Variants in RBFOX1 observed in about 807,000 individuals in gnomAD.
RBFOX1 encodes RNA binding fox-1 homolog 1.
A neutral mutation model predicts 57.7 loss-of-function variants in RBFOX1; 8 were observed. That is an observed-to-expected ratio of 0.14 (90% CI 0.08 to 0.25). The LOEUF (loss-of-function observed/expected upper bound fraction) is 0.25, where lower values mean the gene tolerates loss of function less well. Among genes scored for constraint, RBFOX1 ranks in the 10% least tolerant of loss-of-function variants. The pLI, the probability that RBFOX1 is intolerant of heterozygous loss-of-function variation, is 1.00. For missense variants in RBFOX1, 611 were observed against 548.5 expected, an observed-to-expected ratio of 1.11 and a Z score of -1.14; for synonymous variants, 326 against 222.4, an observed-to-expected ratio of 1.47 and a Z score of -4.15.
intron 2 of RBFOX1, among the ~76,000 whole-genome samples, chr16:5,546,264 T>C (rs763423767): frequency 6.6e-6 from 1 of 152,182 alleles, no homozygotes; most frequent in Non-Finnish European, 1.5e-5. Context: ...ACAGAGTCAA[T>C]GCAGTCCAAA....
intron 3 of RBFOX1, among the ~76,000 whole-genome samples, chr16:6,800,556 C>G (rs570540689): frequency 6.6e-6 from 1 of 152,198 alleles, no homozygotes; most frequent in African/African-American, 2.4e-5. Flanking sequence ...CTTTAAGTAA[C>G]AAGCTTCTAG....
At chr16:6,726,373 A>C (rs543360822) in intron 3 of RBFOX1, among the ~76,000 whole-genome samples, 2 of 149,132 alleles carry the variant, frequency 1.3e-5, no homozygotes, top group East Asian at 2.0e-4. Flanking sequence ...AAAAATAATA[A>C]ATAAAAATAA....
chr16:7,021,236 G>A (rs2038950138), intron 3 of RBFOX1, among the ~76,000 whole-genome samples: 1 of 151,602 alleles, frequency 6.6e-6, no homozygotes, highest in Admixed American at 6.6e-5. Context: ...CTTATGTGTT[G>A]CGTCGGCCCC....
At chr16:7,668,206 C>T (rs2070063681) in intron 13 of RBFOX1, among the ~76,000 whole-genome samples, 2 of 152,172 alleles carry the variant, frequency 1.3e-5, no homozygotes, top group African/African-American at 4.8e-5. Context: ...CTTTCCATGC[C>T]TACCACCTGA....
At chr16:6,980,645 T>A (rs1215764941) in intron 3 of RBFOX1, among the ~76,000 whole-genome samples, 3 of 152,176 alleles carry the variant, frequency 2.0e-5, no homozygotes, top group Admixed American at 2.0e-4. Context: ...GGTGTTGGTA[T>A]TTCTCAAGGA....
At chr16:7,241,062 A>G (rs900742114) in intron 4 of RBFOX1, among the ~76,000 whole-genome samples, 2 of 152,140 alleles carry the variant, frequency 1.3e-5, no homozygotes, top group African/African-American at 4.8e-5. Context: ...GTTGGAAAAG[A>G]AGGTTTATTT....
At chr16:6,621,560 A>C (rs2098232339) in intron 2 of RBFOX1, among the ~76,000 whole-genome samples, 1 of 152,232 alleles carries the variant, frequency 6.6e-6, no homozygotes, top group Admixed American at 6.5e-5. Flanking sequence ...TTACATCGGC[A>C]AAGCCCCTTT....
Position 6,333,164 on chromosome 16 carries a change from C to T in RBFOX1, c.-64+16107C>T, listed in dbSNP as rs559902083. ...AAGCAATTCTCCTGACTCAGCCTCC[C>T]GAGTAGCTGGGACTACAGTCATGTG... On this transcript the variant is annotated intron_variant, in intron 2 of 15. Coordinates refer to ENST00000550418, the MANE Select transcript of RBFOX1 (RefSeq NM_018723.4). 2.0e-5 allele frequency among the ~76,000 whole-genome samples: 3 copies of T among 152,206 alleles called. No individual in the cohort carries two copies. The South Asian group carries it at 6.2e-4, about 32-fold the overall frequency.
At chr16:7,703,249 C>T (rs1308705969) in intron 14 of RBFOX1, among the ~76,000 whole-genome samples, 2 of 152,178 alleles carry the variant, frequency 1.3e-5, no homozygotes, top group Non-Finnish European at 2.9e-5. Context: ...TGCAGAGACC[C>T]GGGCCATTCA....
At chr16:7,511,017 T>G (rs1191958318) in intron 4 of RBFOX1, among the ~76,000 whole-genome samples, 1 of 152,156 alleles carries the variant, frequency 6.6e-6, no homozygotes, top group African/African-American at 2.4e-5. Context: ...CTCAAGAAGT[T>G]TGACTATAAA....
chr16:6,546,044 A>G lies in RBFOX1; in HGVS notation c.-63-108559A>G, dbSNP rs552964656. On this transcript the variant is annotated intron_variant, in intron 2 of 15. Transcript: ENST00000550418. Reference sequence around the variant, plus strand: ...TAAATAAAATACACAAACACTAACAATAGCTGATGAACTATTAAAAAATCA... The same window carrying G: ...TAAATAAAATACACAAACACTAACAGTAGCTGATGAACTATTAAAAAATCA... Among the ~76,000 whole-genome samples, 134 of 152,358 alleles carry G rather than the reference A, an allele frequency of 8.8e-4. 5 individuals are homozygous for G. In the South Asian group the frequency reaches 0.025, roughly 29 times the overall value.
At chr16:7,499,550 A>T (rs774411074) in intron 4 of RBFOX1, among the ~76,000 whole-genome samples, 5 of 152,216 alleles carry the variant, frequency 3.3e-5, no homozygotes, top group Non-Finnish European at 5.9e-5. Flanking sequence ...AAAATTGAGT[A>T]TAAAGATAAT....
chr16:7,278,365 C>A (rs2095480290), intron 4 of RBFOX1, among the ~76,000 whole-genome samples: 2 of 152,130 alleles, frequency 1.3e-5, no homozygotes, highest in South Asian at 2.1e-4. Context: ...TACCCAAGAT[C>A]AAAATATCTA....
At chr16:7,287,871 G>C (rs766898706) in intron 4 of RBFOX1, among the ~76,000 whole-genome samples, 1 of 152,134 alleles carries the variant, frequency 6.6e-6, no homozygotes, top group Non-Finnish European at 1.5e-5. Flanking sequence ...CATTTCGTGT[G>C]CATTTTTCTG....
intron 4 of RBFOX1, among the ~76,000 whole-genome samples, chr16:7,139,242 C>G (rs1001261566): frequency 1.4e-4 from 21 of 151,168 alleles, no homozygotes; most frequent in Admixed American, 3.3e-4. Flanking sequence ...CTCCTCTCTT[C>G]TCTTTCTTTT....
At chr16:5,475,221 T>A (rs552306369) in intron 2 of RBFOX1, among the ~76,000 whole-genome samples, 1 of 152,252 alleles carries the variant, frequency 6.6e-6, no homozygotes, top group African/African-American at 2.4e-5. Flanking sequence ...AAGACTTTTC[T>A]TGCTGCTTCA....
At chr16:7,516,521 G>A (rs1173478709) in intron 4 of RBFOX1, among the ~76,000 whole-genome samples, 1 of 152,176 alleles carries the variant, frequency 6.6e-6, no homozygotes, top group East Asian at 1.9e-4. Flanking sequence ...GTCTTCTTTG[G>A]CTTCCCAAGG....
chr16:7,338,252 T>C (rs914461530), intron 4 of RBFOX1, among the ~76,000 whole-genome samples: 5 of 151,868 alleles, frequency 3.3e-5, no homozygotes, highest in Admixed American at 1.3e-4. Flanking sequence ...TATGCCTTCT[T>C]TTCTCTCTGA....
At chr16:7,566,762 G>A (rs1026534516) in intron 5 of RBFOX1, among the ~76,000 whole-genome samples, 1 of 152,056 alleles carries the variant, frequency 6.6e-6, no homozygotes, top group Non-Finnish European at 1.5e-5. Flanking sequence ...TCTTAACTCA[G>A]GATAGGGGAG....
Sources: gnomAD v4.1 joint callset for allele counts (sites outside exome capture counted in the v4.1 genomes callset) on GRCh38, gnomAD v4.1.1 for gene constraint, MANE v1.5 for transcripts, NCBI Gene and HGNC (gene_info 2026-07-23, HGNC 2026-07-21) for gene names.